Variants in PCDHGB7 observed in about 807,000 individuals in gnomAD.
The protein encoded by PCDHGB7 is protocadherin gamma subfamily B, 7.
Under a neutral mutation model 61.4 loss-of-function variants are expected in PCDHGB7, and 37 were observed. The observed-to-expected ratio is 0.60, with a 90% CI of 0.46 to 0.79. PCDHGB7 has a LOEUF of 0.79. Ranked by LOEUF, PCDHGB7 falls within the 30% of genes least tolerant of loss-of-function variation. The probability of loss-of-function intolerance (pLI) is 0.00; values close to 1 mark genes in which losing one functional copy is unlikely to be tolerated. For missense variants in PCDHGB7, 1,166 were observed against 1,202.5 expected (o/e 0.97, Z 0.45); for synonymous variants, 464 against 503.5 (o/e 0.92, Z 1.05).
Position 141,419,638 on chromosome 5 carries a change from C to G in PCDHGB7, c.1779C>G (p.Ala593=). ...QPGYLVTKVV[A]VDADSGHNAW... ...GCTACCTGGTGACCAAGGTGGTGGCCGTGGACGCGGACTCGGGGCACAATG... is the reference window on the plus strand; with the variant it reads ...GCTACCTGGTGACCAAGGTGGTGGCGGTGGACGCGGACTCGGGGCACAATG... The change falls in exon 1 of 4, where the codon GCC becomes GCG. Residue 593 remains alanine (A), a synonymous_variant. Coordinates refer to ENST00000398594, the MANE Select transcript of PCDHGB7 (RefSeq NM_018927.4). 1 of 1,612,456 alleles carries G rather than the reference C, an allele frequency of 6.2e-7. No individual in the cohort carries two copies. Among genetic ancestry groups the G allele is most frequent in the Non-Finnish European group, 8.5e-7 (1 of 1,179,742 alleles).
chr5:141,490,938 C>A lies in PCDHGB7; in HGVS notation c.2416-3869C>A. 1.2e-6 allele frequency: 2 copies of A among 1,613,672 alleles called. No individual in the cohort carries two copies. Among genetic ancestry groups the A allele is most frequent in the Non-Finnish European group, 1.7e-6 (2 of 1,179,760 alleles). On this transcript the variant is annotated intron_variant, in intron 1 of 3. Coordinates refer to ENST00000398594, the MANE Select transcript of PCDHGB7 (RefSeq NM_018927.4). The surrounding 1 kb of genome is among the most constrained non-coding windows in gnomAD (Gnocchi z 5.4). ...ATGATAATGCCCCAGCTGTGCTGCA[C>A]CCACGGCCAGACTGGGAACACTCAG... is the stretch of plus-strand genomic sequence containing the variant.
chr5:141,457,471 C>T (rs1478580665), intron 1 of PCDHGB7, among the ~76,000 whole-genome samples: 1 of 152,182 alleles, frequency 6.6e-6, no homozygotes, highest in African/African-American at 2.4e-5. Context: ...CAGGAATAAG[C>T]AGGGCCAGGG....
intron 1 of PCDHGB7, chr5:141,478,354 C>G (rs141625672): frequency 2.8e-5 from 45 of 1,613,660 alleles, no homozygotes; most frequent in Non-Finnish European, 3.2e-5. Flanking sequence ...ACGCGGACGC[C>G]GTGCGGGGAG....
intron 2 of PCDHGB7, among the ~76,000 whole-genome samples, chr5:141,505,069 G>A (rs2099843308): frequency 2.0e-5 from 3 of 152,340 alleles, no homozygotes; most frequent in East Asian, 1.9e-4. Flanking sequence ...GACTGAGGCA[G>A]GAGAATCGCT....
chr5:141,451,301 G>T (rs963686418), intron 1 of PCDHGB7, among the ~76,000 whole-genome samples: 3 of 152,196 alleles, frequency 2.0e-5, no homozygotes, highest in Non-Finnish European at 4.4e-5. Flanking sequence ...AGTCTTACAA[G>T]GCAGCAATTA....
chr5:141,455,107 C>T (rs1027661420), intron 1 of PCDHGB7, among the ~76,000 whole-genome samples: 20 of 151,774 alleles, frequency 1.3e-4, no homozygotes, highest in Non-Finnish European at 2.4e-4. Context: ...CCACTGCGCC[C>T]GGTGGGTCTA....
At chr5:141,427,963 T>C (rs1289642441) in intron 1 of PCDHGB7, 1 of 1,589,380 alleles carries the variant, frequency 6.3e-7, no homozygotes, top group East Asian at 2.2e-5. Flanking sequence ...GTGCCGCGGG[T>C]GCTGTACCCC....
intron 1 of PCDHGB7, among the ~76,000 whole-genome samples, chr5:141,453,121 G>A (rs62379169): frequency 4.7e-4 from 71 of 151,818 alleles, no homozygotes; most frequent in Non-Finnish European, 8.4e-4. Flanking sequence ...GTTTTGTTTT[G>A]TTTTGTTTTT....
Position 141,432,916 on chromosome 5 carries a change from G to A in PCDHGB7, c.2415+12642G>A, listed in dbSNP as rs1303459899. ...TGCTGGCGCTCAGGCTGCGGCGCTG[G>A]CACAAGTCACGCCTGCTGCAGGCTT... is the stretch of plus-strand genomic sequence containing the variant. On this transcript the variant is annotated intron_variant, in intron 1 of 3. Transcript: ENST00000398594. This position sits in a 1 kb window ranked among gnomAD's most constrained non-coding sequence, Gnocchi z 6.0. 1.2e-6 allele frequency: 2 copies of A among 1,614,078 alleles called. No individual in the cohort carries two copies. The highest frequency in any genetic ancestry group is 1.7e-6 in the Non-Finnish European group (2 of 1,180,048).
chr5:141,468,433 A>G (rs2099167290), intron 1 of PCDHGB7: 1 of 152,202 alleles, frequency 6.6e-6, no homozygotes, highest in Non-Finnish European at 1.5e-5. Context: ...GGTAATAGCA[A>G]AATGTGGGTG....
In PCDHGB7 at chr5:141,511,251, A is replaced by T. The variant is rs780892899; in HGVS notation, c.*78A>T. 2.0e-5 allele frequency: 32 copies of T among 1,571,672 alleles called. No homozygotes were observed. Among genetic ancestry groups the T allele is most frequent in the Non-Finnish European group, 2.6e-5 (30 of 1,158,828 alleles). ...TTCTCCTTACCTGCACCCAGGCCTC[A>T]GAGTTTCAGGGCTAACCCCCAGAAT... On this transcript the variant is annotated 3_prime_UTR_variant, in exon 4 of 4. Transcript: ENST00000398594.
Position 141,417,805 on chromosome 5 carries a change from G to T in PCDHGB7, c.-55G>T. ...GGCCGAATGCTCTTTTAGCGCGGTA[G>T]AGTGCACTTTCTCCAACTGGAAAAG... On this transcript the variant is annotated 5_prime_UTR_variant, in exon 1 of 4. Coordinates refer to ENST00000398594, the MANE Select transcript of PCDHGB7 (RefSeq NM_018927.4). 6.7e-7 allele frequency: 1 copy of T among 1,499,292 alleles called. No homozygotes were observed. The allele number at this position is 1,499,292 out of a possible 1,614,324, so 92.9% of individuals were successfully genotyped here.
intron 2 of PCDHGB7, among the ~76,000 whole-genome samples, chr5:141,495,471 G>A (rs2099761632): frequency 6.6e-6 from 1 of 152,190 alleles, no homozygotes; most frequent in Non-Finnish European, 1.5e-5. Context: ...TGGGGTCTCC[G>A]TGTCTCTGCC....
At chr5:141,501,334 C>CA (rs2099808390) in intron 2 of PCDHGB7, among the ~76,000 whole-genome samples, 1 of 145,376 alleles carries the variant, frequency 6.9e-6, no homozygotes, top group Non-Finnish European at 1.5e-5. Flanking sequence ...CACACACACA[C>CA]CCCAAACTCA....
chr5:141,489,253 A>T lies in PCDHGB7; in HGVS notation c.2416-5554A>T. 1 of 1,547,506 alleles carries T rather than the reference A, an allele frequency of 6.5e-7. No individual in the cohort carries two copies. The highest frequency in any genetic ancestry group is 2.3e-5 in the East Asian group (1 of 44,418). ...GGACTTCTGGGTCATGGGGCCCAAG[A>T]CACTCCCACAGCTCGCTGGGAAATG... On this transcript the variant is annotated intron_variant, in intron 1 of 3. Coordinates refer to ENST00000398594, the MANE Select transcript of PCDHGB7 (RefSeq NM_018927.4). This position sits in a 1 kb window ranked among gnomAD's most constrained non-coding sequence, Gnocchi z 4.5.
chr5:141,503,372 G>A (rs1275544964), intron 2 of PCDHGB7, among the ~76,000 whole-genome samples: 1 of 151,968 alleles, frequency 6.6e-6, no homozygotes, highest in Non-Finnish European at 1.5e-5. Context: ...GGAGGCAGGT[G>A]GATCATGAGG....
At chr5:141,492,163 C>T (rs921256341) in intron 1 of PCDHGB7, among the ~76,000 whole-genome samples, 22 of 152,232 alleles carry the variant, frequency 1.4e-4, no homozygotes, top group African/African-American at 5.3e-4. Context: ...CCTCCCTATC[C>T]CCGCATCACC....
chr5:141,474,986 A>G (rs1328341214), intron 1 of PCDHGB7, among the ~76,000 whole-genome samples: 1 of 152,238 alleles, frequency 6.6e-6, no homozygotes, highest in Non-Finnish European at 1.5e-5. Context: ...GTTTGGTGAC[A>G]ACAATTCTAA....
Position 141,418,567 on chromosome 5 carries a change from T to C in PCDHGB7, c.708T>C (p.Asn236=). Residue 236 remains asparagine (N), a synonymous_variant, in exon 1 of 4, where the codon AAT becomes AAC. Coordinates refer to ENST00000398594, the MANE Select transcript of PCDHGB7 (RefSeq NM_018927.4). ...TAAGAATCCTGGTAATAGATGCCAA[T>C]GACAACCCCCCAGTGTTCAGCCAGG... The part of the protein sequence containing the change: ...AQIRILVIDA[N]DNPPVFSQDV... The C allele has an allele frequency of 6.2e-7, 1 of 1,614,014 alleles. No individual in the cohort carries two copies. The highest frequency in any genetic ancestry group is 8.5e-7 in the Non-Finnish European group (1 of 1,179,896).
Sources: allele counts gnomAD v4.1 joint callset (sites outside exome capture counted in the v4.1 genomes callset), GRCh38; gene constraint gnomAD v4.1.1; non-coding constraint Gnocchi (gnomAD v3.1); transcripts MANE v1.5; gene names NCBI Gene and HGNC (gene_info 2026-07-23, HGNC 2026-07-21).